Variants in HTR2C observed in about 807,000 individuals in gnomAD.
HTR2C encodes 5-hydroxytryptamine (serotonin) receptor 2C, G protein-coupled.
A neutral mutation model predicts 21.0 loss-of-function variants in HTR2C; 5 were observed. The observed-to-expected ratio is 0.24, with a 90% CI of 0.12 to 0.50. The LOEUF is 0.50. Among genes scored for constraint, HTR2C ranks in the 20% least tolerant of loss-of-function variants. The probability of loss-of-function intolerance (pLI) is 0.98; values close to 1 mark genes in which losing one functional copy is unlikely to be tolerated. For missense variants in HTR2C, 271 were observed against 371.2 expected, an observed-to-expected ratio of 0.73 and a Z score of 2.22; for synonymous variants, 150 against 145.3, an observed-to-expected ratio of 1.03 and a Z score of -0.23.
intron 4 of HTR2C, among the ~76,000 whole-genome samples, chrX:114,781,789 C>G (rs1405423663): frequency 2.1e-5 from 2 of 96,916 alleles, no homozygotes; most frequent in Non-Finnish European, 4.1e-5. Context: ...GCGTGAGCCA[C>G]CACATCCCAG....
At chrX:114,706,652 T>A (rs1372730390) in intron 2 of HTR2C, among the ~76,000 whole-genome samples, 7 of 105,119 alleles carry the variant, frequency 6.7e-5, no homozygotes, top group Admixed American at 5.2e-4. Flanking sequence ...ATGGCACATG[T>A]ATACATATGT....
intron 5 of HTR2C, among the ~76,000 whole-genome samples, chrX:114,887,822 C>A (rs1051308791): frequency 3.9e-4 from 43 of 110,116 alleles, no homozygotes; most frequent in African/African-American, 1.4e-3. Flanking sequence ...GAGTTCGAGA[C>A]CAGCCTGGTC....
chrX:114,633,695 AATTT>A (rs1191891717), intron 2 of HTR2C, among the ~76,000 whole-genome samples: 1 of 111,030 alleles, frequency 9.0e-6, no homozygotes, highest in East Asian at 2.8e-4. Flanking sequence ...ATTGTATCAA[AATTT>A]ATTTGATTAT....
intron 4 of HTR2C, among the ~76,000 whole-genome samples, chrX:114,839,892 T>G (rs190598523): frequency 1.7e-4 from 19 of 110,488 alleles, no homozygotes; most frequent in Admixed American, 1.1e-3. Context: ...GCCTGGGATA[T>G]CCTACAAGCA....
At chrX:114,830,592 T>TTTA (rs1569497865) in intron 4 of HTR2C, among the ~76,000 whole-genome samples, 66 of 107,122 alleles carry the variant, frequency 6.2e-4, no homozygotes, top group East Asian at 3.2e-3. Context: ...CTTTTTATTT[T>TTTA]TTTATTTATT....
intron 2 of HTR2C, among the ~76,000 whole-genome samples, chrX:114,662,907 A>G (rs1244620659): frequency 3.6e-5 from 4 of 112,056 alleles, no homozygotes; most frequent in Non-Finnish European, 5.6e-5. Flanking sequence ...CATGATGTCT[A>G]ATGTAAATGT....
At chrX:114,776,419 C>A in intron 4 of HTR2C, 1 of 739,784 alleles carries the variant, frequency 1.4e-6, no homozygotes, top group Non-Finnish European at 2.1e-6. Context: ...CCATAGAGGA[C>A]ACCTCCTCTG....
At chrX:114,851,897 C>G (rs993608066) in intron 5 of HTR2C, among the ~76,000 whole-genome samples, 2 of 111,060 alleles carry the variant, frequency 1.8e-5, no homozygotes, top group Non-Finnish European at 3.8e-5. Flanking sequence ...ATATCAATAC[C>G]TTTAATCCCA....
At chrX:114,878,377 T>C (rs1372461680) in intron 5 of HTR2C, among the ~76,000 whole-genome samples, 2 of 110,845 alleles carry the variant, frequency 1.8e-5, no homozygotes, top group East Asian at 2.8e-4. Flanking sequence ...TGTGAAACAG[T>C]ACTATAAAGT....
intron 1 of HTR2C, among the ~76,000 whole-genome samples, chrX:114,608,759 A>T (rs1928587331): frequency 8.9e-6 from 1 of 111,844 alleles, no homozygotes; most frequent in African/African-American, 3.2e-5. Flanking sequence ...TCTTAACAAT[A>T]AATTGATTCA....
At chrX:114,631,323 G>C (rs1302576370) in intron 2 of HTR2C, among the ~76,000 whole-genome samples, 1 of 101,250 alleles carries the variant, frequency 9.9e-6, no homozygotes, top group Non-Finnish European at 2.0e-5. Context: ...AAAAAAAAAA[G>C]TGACTATGTC....
chrX:114,883,756 T>A (rs2071200182), intron 5 of HTR2C, among the ~76,000 whole-genome samples: 1 of 110,921 alleles, frequency 9.0e-6, no homozygotes, highest in Non-Finnish European at 1.9e-5. Flanking sequence ...AAATATGCAT[T>A]ACCTCACATA....
rs77037953 is a variant in HTR2C, at chrX:114,664,776, G to C, written c.-80+50895G>C. Among the ~76,000 whole-genome samples, 955 of 111,518 alleles carry C rather than the reference G, an allele frequency of 8.6e-3. 12 individuals are homozygous for C. The highest frequency in any genetic ancestry group is 0.029 in the African/African-American group (886 of 30,749). On this transcript the variant is annotated intron_variant, in intron 2 of 5. Coordinates refer to ENST00000276198, the MANE Select transcript of HTR2C (RefSeq NM_000868.4). ...GGGCCAAAGGGGATTTCTGTCCCTA[G>C]GCCTTTGAGGAATTGCCACACTGTC...
intron 2 of HTR2C, among the ~76,000 whole-genome samples, chrX:114,682,745 T>G (rs1478354810): frequency 9.0e-6 from 1 of 111,022 alleles, no homozygotes; most frequent in Non-Finnish European, 1.9e-5. Context: ...CTTCCCTCCA[T>G]CCCTAATACC....
At chrX:114,749,699 A>G (rs2069743050) in intron 4 of HTR2C, among the ~76,000 whole-genome samples, 1 of 110,595 alleles carries the variant, frequency 9.0e-6, no homozygotes, top group Non-Finnish European at 1.9e-5. Context: ...AGACACTGTT[A>G]AAAAACAAAA....
chrX:114,613,221 G>A (rs1366246892), intron 1 of HTR2C, among the ~76,000 whole-genome samples: 2 of 111,747 alleles, frequency 1.8e-5, no homozygotes, highest in Non-Finnish European at 3.8e-5. Context: ...TTACAGGCAT[G>A]AGCCACTGCG....
At chrX:114,626,092 G>A (rs1929358398) in intron 2 of HTR2C, among the ~76,000 whole-genome samples, 1 of 111,142 alleles carries the variant, frequency 9.0e-6, no homozygotes, top group African/African-American at 3.3e-5. Context: ...GATATGGTAA[G>A]AGGCAGATGC....
intron 4 of HTR2C, among the ~76,000 whole-genome samples, chrX:114,784,762 G>T (rs988059762): frequency 2.6e-4 from 28 of 109,659 alleles, no homozygotes; most frequent in African/African-American, 9.0e-4. Context: ...TGGGACTACA[G>T]GCGCCCGCCA....
intron 4 of HTR2C, among the ~76,000 whole-genome samples, chrX:114,748,715 CCTT>C (rs2069729005): frequency 8.9e-6 from 1 of 111,950 alleles, no homozygotes; most frequent in East Asian, 2.8e-4. Flanking sequence ...ATATTTTACA[CCTT>C]CTACAAAAAT....
Sources: allele counts gnomAD v4.1 joint callset (sites outside exome capture counted in the v4.1 genomes callset), GRCh38; gene constraint gnomAD v4.1.1; transcripts MANE v1.5; gene names NCBI Gene and HGNC (gene_info 2026-07-23, HGNC 2026-07-21).